TTF2: variants seen among roughly 807,000 people sequenced by gnomAD.
The protein encoded by TTF2 is transcription termination factor 2, also known as RNA polymerase II termination factor.
In TTF2, 108 loss-of-function variants were observed where a neutral mutation model predicts 142.4. The observed-to-expected ratio is 0.76, with a 90% CI of 0.65 to 0.89. TTF2 has a LOEUF of 0.89. TTF2 is among the 40% of genes least tolerant of loss of function. The pLI, the probability that TTF2 is intolerant of heterozygous loss-of-function variation, is 0.00. For synonymous variants in TTF2, 483 were observed against 506.2 expected (o/e 0.95, Z 0.61); for missense variants, 1,327 against 1,379.8 (o/e 0.96, Z 0.61).
chr1:117,090,741 C>A lies in TTF2; in HGVS notation c.2588+118C>A. 2 of 793,768 alleles carry A rather than the reference C, an allele frequency of 2.5e-6. No individual in the cohort carries two copies. The highest frequency in any genetic ancestry group is 1.8e-5 in the African/African-American group (1 of 56,702). The allele number at this position is 793,768 out of a possible 1,614,324, so 49.2% of individuals were successfully genotyped here. A position where few individuals can be genotyped will look rare whatever the true frequency, so the allele number is the denominator to read the frequency against. On this transcript the variant is annotated intron_variant, in intron 15 of 22. Transcript: ENST00000369466. The surrounding 1 kb of genome is among the most constrained non-coding windows in gnomAD (Gnocchi z 4.8). ...ATGGCATTATTGATTAGTTGGATGT[C>A]TGTATTCCCTTTTTTTTTTTACCCC...
chr1:117,067,524 CAAAAAAAAAAA>C (rs1161287519), intron 3 of TTF2, among the ~76,000 whole-genome samples: 1 of 40,962 alleles, frequency 2.4e-5, no homozygotes, highest in African/African-American at 8.1e-5. Flanking sequence ...GACTCAGTCT[CAAAAAAAAAAA>C]AAAAAAAAAA....
chr1:117,072,326 A>C (rs1228056661), intron 3 of TTF2, among the ~76,000 whole-genome samples: 2 of 151,714 alleles, frequency 1.3e-5, no homozygotes, highest in African/African-American at 4.8e-5. Context: ...TATCCTATCC[A>C]CTTCACCCCG....
intron 3 of TTF2, 56 bp downstream of exon 3, chr1:117,062,529 G>GA (rs1655772918): frequency 1.3e-6 from 2 of 1,484,226 alleles, no homozygotes; most frequent in Admixed American, 4.3e-5. Context: ...TTTTCTCCCT[G>GA]AAAGAGTTGT....
chr1:117,103,074 T>C lies in TTF2; in HGVS notation c.*1550T>C, dbSNP rs1268896101. 6.6e-6 allele frequency: 1 copy of C among 152,198 alleles called. No individual in the cohort carries two copies. The highest frequency in any genetic ancestry group is 2.4e-5 in the African/African-American group (1 of 41,438). 9.4% of individuals were successfully genotyped at this position (152,198 alleles called of 1,614,324 possible). On this transcript the variant is annotated 3_prime_UTR_variant, in exon 23 of 23. Coordinates refer to ENST00000369466, the MANE Select transcript of TTF2 (RefSeq NM_003594.4). ...TTTCTTCCCTCCTCAGCCTATGGGA[T>C]GCAAAGGAACTGATGGAAGATTACA...
rs964177714 is a variant in TTF2 at position 117,100,425 on chromosome 1, C to T, written c.3345-955C>T. Among the ~76,000 whole-genome samples the T allele has an allele frequency of 6.6e-6, 1 of 152,170 alleles. No individual in the cohort carries two copies. Among genetic ancestry groups the T allele is most frequent in the Non-Finnish European group, 1.5e-5 (1 of 68,020 alleles). Reference sequence around the variant, plus strand: ...CTCCATCACCACCGAAGGGCTCTTCCTAGCTAATCCATCTGATTGTGTCAT... The same window carrying T: ...CTCCATCACCACCGAAGGGCTCTTCTTAGCTAATCCATCTGATTGTGTCAT... On this transcript the variant is annotated intron_variant, in intron 22 of 22. Transcript: ENST00000369466. The surrounding 1 kb of genome is among the most constrained non-coding windows in gnomAD (Gnocchi z 4.6).
chr1:117,090,465 G>T lies in TTF2; in HGVS notation c.2497-67G>T. On this transcript the variant is annotated intron_variant, in intron 14 of 22. Coordinates refer to ENST00000369466, the MANE Select transcript of TTF2 (RefSeq NM_003594.4). This position sits in a 1 kb window ranked among gnomAD's most constrained non-coding sequence, Gnocchi z 4.8. ...ACTAGATATGCAGTGTCAGTATGGGGAATTTGTTCTATAATAGGCAGTTAA... is the reference window on the plus strand; with the variant it reads ...ACTAGATATGCAGTGTCAGTATGGGTAATTTGTTCTATAATAGGCAGTTAA... 1 of 1,458,020 alleles carries T rather than the reference G, an allele frequency of 6.9e-7. No homozygotes were observed. The highest frequency in any genetic ancestry group is 2.3e-5 in the East Asian group (1 of 44,008). 90.3% of individuals were successfully genotyped at this position (1,458,020 alleles called of 1,614,324 possible).
At chr1:117,077,153 C>A (rs1369581688) in intron 7 of TTF2, among the ~76,000 whole-genome samples, 1 of 151,364 alleles carries the variant, frequency 6.6e-6, no homozygotes, top group South Asian at 2.1e-4. Context: ...GGTTCAGTAC[C>A]ATCCAGTTTC....
Position 117,102,656 on chromosome 1 carries a change from T to G in TTF2, c.*1132T>G, listed in dbSNP as rs1226038062. The G allele has an allele frequency of 2.0e-5, 3 of 152,240 alleles. No individual in the cohort carries two copies. The highest frequency in any genetic ancestry group is 4.4e-5 in the Non-Finnish European group (3 of 68,038). The allele number at this position is 152,240 out of a possible 1,614,324, so 9.4% of individuals were successfully genotyped here. A position where few individuals can be genotyped will look rare whatever the true frequency, so the allele number is the denominator to read the frequency against. ...AATAGTATTTGTATTTTTACAAATT[T>G]GCAGTATTTGTAGCATTTAGTATCA... On this transcript the variant is annotated 3_prime_UTR_variant, in exon 23 of 23. Coordinates refer to ENST00000369466, the MANE Select transcript of TTF2 (RefSeq NM_003594.4).
At chr1:117,066,163 A>C (rs2101310241) in intron 3 of TTF2, among the ~76,000 whole-genome samples, 1 of 151,882 alleles carries the variant, frequency 6.6e-6, no homozygotes, top group African/African-American at 2.4e-5. Context: ...CCTTCATATA[A>C]TTTGTTGTGA....
At position 117,101,346 on chromosome 1, in the gene TTF2, G is replaced by T; in HGVS notation, c.3345-34G>T. On this transcript the variant is annotated intron_variant, in intron 22 of 22. Transcript: ENST00000369466. This position sits in a 1 kb window ranked among gnomAD's most constrained non-coding sequence, Gnocchi z 5.9. ...ATTAGATGTGCTGCTTAGGGTTTTT[G>T]ATAGTTTGCTTATTTTTTGTTTTTG... The T allele has an allele frequency of 6.4e-7, 1 of 1,552,674 alleles. No homozygotes were observed.
rs527525704 is a variant in TTF2 at position 117,101,577 on chromosome 1, C to G, written c.*53C>G. 3 of 1,478,304 alleles carry G rather than the reference C, an allele frequency of 2.0e-6. No homozygotes were observed. The highest frequency in any genetic ancestry group is 3.0e-5 in the South Asian group (2 of 67,580). The allele number at this position is 1,478,304 out of a possible 1,614,324, so 91.6% of individuals were successfully genotyped here. ...CACCATTGCTGGTTTGTATTAGGATCTGGGAATAACAACCTAACCATGAGC... is the reference window on the plus strand; with the variant it reads ...CACCATTGCTGGTTTGTATTAGGATGTGGGAATAACAACCTAACCATGAGC... On this transcript the variant is annotated 3_prime_UTR_variant, in exon 23 of 23. Transcript: ENST00000369466. This position sits in a 1 kb window ranked among gnomAD's most constrained non-coding sequence, Gnocchi z 5.9.
At chr1:117,098,743 A>C (rs901024586) in intron 21 of TTF2, 90 bp from the exon 22 acceptor site, 62 of 1,079,822 alleles carry the variant, frequency 5.7e-5, no homozygotes, top group Non-Finnish European at 8.1e-5. Flanking sequence ...TACAAAAACA[A>C]GCTGTGGGCT....
At position 117,080,594 on chromosome 1, in the gene TTF2, G is replaced by T. The variant is rs905672675; in HGVS notation, c.1783+945G>T. 6.6e-6 allele frequency among the ~76,000 whole-genome samples: 1 copy of T among 152,172 alleles called. No homozygotes were observed. The highest frequency in any genetic ancestry group is 1.5e-5 in the Non-Finnish European group (1 of 68,042). ...ACTTGTCAGGCTAAAATTTTCTAAG[G>T]TGTTCAATTTTCAGAAACCATGATA... On this transcript the variant is annotated intron_variant, in intron 9 of 22. Coordinates refer to ENST00000369466, the MANE Select transcript of TTF2 (RefSeq NM_003594.4). This position sits in a 1 kb window ranked among gnomAD's most constrained non-coding sequence, Gnocchi z 4.3.
chr1:117,075,430 C>T lies in TTF2; in HGVS notation c.846C>T (p.Asn282=). 6.2e-7 allele frequency: 1 copy of T among 1,614,162 alleles called. No individual in the cohort carries two copies. Among genetic ancestry groups the T allele is most frequent in the Non-Finnish European group, 8.5e-7 (1 of 1,179,998 alleles). The part of the protein sequence containing the change: ...ISKPQKGGPL[N]KEYTNWEAKE... ...AGCCCCAGAAAGGGGGACCCCTCAA[C>T]AAGGAGTACACGAACTGGGAGGCTA... The change falls in exon 5 of 23, where the codon AAC becomes AAT. Residue 282 remains asparagine, a synonymous_variant. Transcript: ENST00000369466. This position sits in a 1 kb window ranked among gnomAD's most constrained non-coding sequence, Gnocchi z 4.5.
chr1:117,083,164 C>T (rs1647682910), intron 10 of TTF2, among the ~76,000 whole-genome samples: 1 of 151,672 alleles, frequency 6.6e-6, no homozygotes. Flanking sequence ...ATGGCATGAA[C>T]CTGGGAGGCA....
rs1649856964 is a variant in TTF2 at position 117,105,229 on chromosome 1, G to A, written c.*3705G>A. 1 of 152,214 alleles carries A rather than the reference G, an allele frequency of 6.6e-6. No individual in the cohort carries two copies. Among genetic ancestry groups the A allele is most frequent in the Non-Finnish European group, 1.5e-5 (1 of 68,038 alleles). 9.4% of individuals were successfully genotyped at this position (152,214 alleles called of 1,614,324 possible). ...CCAGCAGCAGCATGGGTGCAGCTGA[G>A]AACCAGATGGTGAACATCTGTCTCC... is the stretch of plus-strand genomic sequence containing the variant. On this transcript the variant is annotated 3_prime_UTR_variant, in exon 23 of 23. Coordinates refer to ENST00000369466, the MANE Select transcript of TTF2 (RefSeq NM_003594.4). The surrounding 1 kb of genome is among the most constrained non-coding windows in gnomAD (Gnocchi z 4.7).
chr1:117,093,295 G>C lies in TTF2; in HGVS notation c.2976+394G>C, dbSNP rs1006982310. Among the ~76,000 whole-genome samples, 2 of 152,198 alleles carry C rather than the reference G, an allele frequency of 1.3e-5. No homozygotes were observed. Among genetic ancestry groups the C allele is most frequent in the African/African-American group, 4.8e-5 (2 of 41,450 alleles). On this transcript the variant is annotated intron_variant, in intron 18 of 22. Coordinates refer to ENST00000369466, the MANE Select transcript of TTF2 (RefSeq NM_003594.4). This position sits in a 1 kb window ranked among gnomAD's most constrained non-coding sequence, Gnocchi z 4.5. Reference sequence around the variant, plus strand: ...TGTGTCATACATGCGAGCGCCAATTGCTCTGACTTTGAAAGGCTTCCACAT... The same window carrying C: ...TGTGTCATACATGCGAGCGCCAATTCCTCTGACTTTGAAAGGCTTCCACAT...
At chr1:117,072,698 C>T (rs965445100) in intron 3 of TTF2, among the ~76,000 whole-genome samples, 1 of 152,110 alleles carries the variant, frequency 6.6e-6, no homozygotes. Flanking sequence ...GCTGGGATTA[C>T]AGGTGTGAGC....
Position 117,100,172 on chromosome 1 carries a change from T to G in TTF2, c.3345-1208T>G, listed in dbSNP as rs987287160. Among the ~76,000 whole-genome samples, 1 of 152,262 alleles carries G rather than the reference T, an allele frequency of 6.6e-6. No individual in the cohort carries two copies. Among genetic ancestry groups the G allele is most frequent in the Non-Finnish European group, 1.5e-5 (1 of 68,038 alleles). ...GTACTCAAATGTTACAAATAGAAATTGATTTTCTCTTCCTATTATCTCAAA... is the reference window on the plus strand; with the variant it reads ...GTACTCAAATGTTACAAATAGAAATGGATTTTCTCTTCCTATTATCTCAAA... On this transcript the variant is annotated intron_variant, in intron 22 of 22. Coordinates refer to ENST00000369466, the MANE Select transcript of TTF2 (RefSeq NM_003594.4). This position sits in a 1 kb window ranked among gnomAD's most constrained non-coding sequence, Gnocchi z 4.6.
Sources: gnomAD v4.1 joint callset for allele counts (sites outside exome capture counted in the v4.1 genomes callset) on GRCh38, gnomAD v4.1.1 for gene constraint, Gnocchi (gnomAD v3.1) non-coding constraint, MANE v1.5 for transcripts, NCBI Gene and HGNC (gene_info 2026-07-23, HGNC 2026-07-21) for gene names.